Variants in ASIC2 observed in about 807,000 individuals in gnomAD.
The protein encoded by ASIC2 is acid-sensing ion channel 2.
A neutral mutation model predicts 57.3 loss-of-function variants in ASIC2; 25 were observed. The ratio of observed to expected loss-of-function variants is 0.44; its 90% CI spans 0.32 to 0.61. The LOEUF is 0.61. Among genes scored for constraint, ASIC2 ranks in the 20% least tolerant of loss-of-function variants. The pLI, the probability that ASIC2 is intolerant of heterozygous loss-of-function variation, is 0.06. For missense variants in ASIC2, 641 were observed against 738.1 expected, an observed-to-expected ratio of 0.87 and a Z score of 1.52; for synonymous variants, 319 against 307.5, an observed-to-expected ratio of 1.04 and a Z score of -0.39.
At chr17:33,055,221 G>T (rs1311108061) in intron 3 of ASIC2, among the ~76,000 whole-genome samples, 1 of 152,232 alleles carries the variant, frequency 6.6e-6, no homozygotes, top group African/African-American at 2.4e-5. Flanking sequence ...CCTGGGATAT[G>T]TCCGATTTGG....
intron 1 of ASIC2, among the ~76,000 whole-genome samples, chr17:33,946,189 A>G (rs961567013): frequency 1.3e-5 from 2 of 152,228 alleles, no homozygotes; most frequent in African/African-American, 2.4e-5. Context: ...ATAGACCTGC[A>G]TAAGTATATG....
intron 3 of ASIC2, among the ~76,000 whole-genome samples, chr17:33,054,475 A>C (rs1017336384): frequency 6.6e-6 from 1 of 152,174 alleles, no homozygotes; most frequent in Non-Finnish European, 1.5e-5. Context: ...CCAGGATTCT[A>C]TGATTTTACC....
At chr17:33,452,189 T>A (rs1395444552) in intron 1 of ASIC2, among the ~76,000 whole-genome samples, 1 of 152,238 alleles carries the variant, frequency 6.6e-6, no homozygotes, top group Non-Finnish European at 1.5e-5. Context: ...TTCTACCTGC[T>A]TAGAGGTGGT....
At chr17:33,971,456 C>T (rs181899276) in intron 1 of ASIC2, among the ~76,000 whole-genome samples, 117 of 152,264 alleles carry the variant, frequency 7.7e-4, no homozygotes, top group African/African-American at 2.5e-3. Flanking sequence ...CACAAACATA[C>T]GCTCACACAC....
intron 1 of ASIC2, among the ~76,000 whole-genome samples, chr17:34,131,363 A>T (rs1351713580): frequency 6.6e-6 from 1 of 152,140 alleles, no homozygotes; most frequent in African/African-American, 2.4e-5. Flanking sequence ...AGGCCATTGT[A>T]TTCCCTAAAT....
chr17:33,609,289 C>T (rs1355324751), intron 1 of ASIC2, among the ~76,000 whole-genome samples: 1 of 152,190 alleles, frequency 6.6e-6, no homozygotes, highest in African/African-American at 2.4e-5. Flanking sequence ...CTTCCCAATG[C>T]ACTTGGGATA....
chr17:33,136,351 A>G (rs1240794852), intron 1 of ASIC2, among the ~76,000 whole-genome samples: 1 of 152,206 alleles, frequency 6.6e-6, no homozygotes, highest in African/African-American at 2.4e-5. Context: ...AGAAAAATAC[A>G]CACAATAAAA....
intron 1 of ASIC2, among the ~76,000 whole-genome samples, chr17:33,578,957 C>T (rs574272690): frequency 3.0e-4 from 46 of 152,278 alleles, no homozygotes; most frequent in African/African-American, 1.1e-3. Context: ...GCATCCTCAC[C>T]TGGTCCTAGG....
intron 1 of ASIC2, among the ~76,000 whole-genome samples, chr17:34,087,284 C>G (rs1183425455): frequency 2.0e-5 from 3 of 151,880 alleles, no homozygotes; most frequent in Non-Finnish European, 4.4e-5. Context: ...TATTTTATTT[C>G]TCCTTCACTT....
rs193175609 is a variant in ASIC2 at position 33,489,892 on chromosome 17, C to T, written c.556-377825G>A. On this transcript the variant is annotated intron_variant, in intron 1 of 9. Coordinates refer to the ASIC2 transcript ENST00000359872. ...TCTTAGTCCTGAGTACCCAGGCAAT[C>T]GGAAAGTCTTGGCTTTACCTTGAAA... Among the ~76,000 whole-genome samples the T allele has an allele frequency of 1.3e-3, 192 of 152,288 alleles. 1 individual carries two copies. Among genetic ancestry groups the T allele is most frequent in the Admixed American group, 3.3e-3 (50 of 15,304 alleles).
rs368095784 is a variant in ASIC2, at chr17:33,734,729, A to G, written c.555+421249T>C. ...AGAAGAGGAAGAGACACCAGAGTGC[A>G]TCTTTCTCTGTGCACACAGAGAAAA... On this transcript the variant is annotated intron_variant, in intron 1 of 9. Coordinates refer to the ASIC2 transcript ENST00000359872. 1.1e-4 allele frequency among the ~76,000 whole-genome samples: 17 copies of G among 152,312 alleles called. 1 individual carries two copies. The East Asian group carries it at 2.7e-3, about 24-fold the overall frequency.
At chr17:33,654,097 A>G (rs1324250891) in intron 1 of ASIC2, among the ~76,000 whole-genome samples, 1 of 152,176 alleles carries the variant, frequency 6.6e-6, no homozygotes, top group Non-Finnish European at 1.5e-5. Context: ...TACAAAATGG[A>G]TCTATCAATA....
At chr17:33,225,880 T>G (rs750852353) in intron 1 of ASIC2, among the ~76,000 whole-genome samples, 3 of 152,228 alleles carry the variant, frequency 2.0e-5, no homozygotes, top group Admixed American at 6.5e-5. Context: ...CAGTCACTAA[T>G]ATGGTTACCC....
At chr17:34,144,644 T>A (rs1297378043) in intron 1 of ASIC2, among the ~76,000 whole-genome samples, 1 of 152,218 alleles carries the variant, frequency 6.6e-6, no homozygotes, top group Non-Finnish European at 1.5e-5. Flanking sequence ...TATTATTATT[T>A]AATAGATGAG....
chr17:33,553,893 G>A (rs1915825762), intron 1 of ASIC2, among the ~76,000 whole-genome samples: 1 of 152,182 alleles, frequency 6.6e-6, no homozygotes, highest in African/African-American at 2.4e-5. Context: ...AAAGCAGAAG[G>A]ACCCAGCAAA....
chr17:33,375,091 C>T (rs1223044391), intron 1 of ASIC2, among the ~76,000 whole-genome samples: 2 of 152,106 alleles, frequency 1.3e-5, no homozygotes, highest in Non-Finnish European at 1.5e-5. Flanking sequence ...ATTATTTATT[C>T]ATTACATAGT....
chr17:33,285,761 A>G (rs1376634004), intron 1 of ASIC2, among the ~76,000 whole-genome samples: 2 of 152,206 alleles, frequency 1.3e-5, no homozygotes, highest in Non-Finnish European at 2.9e-5. Context: ...TGGATTACAG[A>G]TGCTCCCAGC....
At chr17:33,360,574 T>C (rs780916042) in intron 1 of ASIC2, among the ~76,000 whole-genome samples, 19 of 152,366 alleles carry the variant, frequency 1.2e-4, no homozygotes, top group Non-Finnish European at 2.6e-4. Flanking sequence ...AATCTTCTAA[T>C]ATGCAATTGT....
chr17:33,345,651 G>A (rs568440472), intron 1 of ASIC2, among the ~76,000 whole-genome samples: 82 of 152,204 alleles, frequency 5.4e-4, no homozygotes, highest in Non-Finnish European at 9.4e-4. Context: ...GAACAAGGAA[G>A]AAGACAAACG....
Sources: allele counts gnomAD v4.1 joint callset (sites outside exome capture counted in the v4.1 genomes callset), GRCh38; gene constraint gnomAD v4.1.1; transcripts MANE v1.5; gene names NCBI Gene and HGNC (gene_info 2026-07-23, HGNC 2026-07-21).